The following RHD variants were observed in gnomAD, a reference collection of about 807,000 sequenced individuals.
The protein encoded by RHD is Rh blood group D antigen, also known as blood group Rh(D) polypeptide.
RHD carries 16 observed loss-of-function variants against 45.5 expected under a neutral mutation model. The observed-to-expected ratio is 0.35, with a 90% CI of 0.24 to 0.53. RHD has a LOEUF of 0.53. Ranked by LOEUF, RHD falls within the 20% of genes least tolerant of loss-of-function variation. The probability of loss-of-function intolerance (pLI) is 0.92; values close to 1 mark genes in which losing one functional copy is unlikely to be tolerated. For synonymous variants in RHD, 131 were observed against 217.5 expected, an observed-to-expected ratio of 0.60 and a Z score of 3.50; for missense variants, 306 against 532.0, an observed-to-expected ratio of 0.58 and a Z score of 4.18.
At chr1:25,312,199 A>G (rs1477597886) in intron 7 of RHD, among the ~76,000 whole-genome samples, 1 of 95,824 alleles carries the variant, frequency 1.0e-5, no homozygotes, top group African/African-American at 3.5e-5. Flanking sequence ...GTTGTTTTCT[A>G]TGTTGGGTTT....
intron 3 of RHD, among the ~76,000 whole-genome samples, chr1:25,298,468 G>A (rs1343489463): frequency 1.6e-5 from 2 of 126,570 alleles, no homozygotes; most frequent in Non-Finnish European, 3.7e-5. Flanking sequence ...AGGAGGGCCC[G>A]GGGGAACCAG....
chr1:25,328,811 A>C (rs1571773280), intron 9 of RHD, 87 bp from the exon 10 acceptor site: 1 of 614,076 alleles, frequency 1.6e-6, no homozygotes, highest in East Asian at 2.6e-5. Flanking sequence ...GGTCTTTGTA[A>C]TGAGACATTT....
At chr1:25,316,955 T>G (rs1295186499) in intron 7 of RHD, 45 bp from the exon 8 acceptor site, 1 of 133,712 alleles carries the variant, frequency 7.5e-6, no homozygotes, top group East Asian at 1.2e-4. Context: ...TGATGACCTC[T>G]GCTGCCTGAT....
intron 1 of RHD, among the ~76,000 whole-genome samples, chr1:25,275,472 C>T (rs1164963404): frequency 3.1e-5 from 4 of 131,114 alleles, no homozygotes; most frequent in African/African-American, 1.0e-4. Context: ...AGGGGCATGG[C>T]TTGAGACACC....
Position 25,272,692 on chromosome 1 carries a change from CA to C in RHD, c.147del (p.Val50LeufsTer5). ...TCAAAAGGGGCTCGTGGCATCCTAT[CA>C]AGGTGAGAGTTCATTGGAAAAGTGG... ...EDQKGLVASYQVGQDLTVMAA... is the reference protein window; with the variant it reads ...EDQKGLVASYXVGQDLTVMAA... On this transcript the variant is annotated frameshift_variant and splice_region_variant, in exon 1 of 10. Transcript: ENST00000328664. LOFTEE classifies it high-confidence loss of function. 2 of 1,496,220 alleles carry C rather than the reference CA, an allele frequency of 1.3e-6. 1 individual carries two copies. The highest frequency in any genetic ancestry group is 1.8e-6 in the Non-Finnish European group (2 of 1,082,210). The allele number at this position is 1,496,220 out of a possible 1,614,324, so 92.7% of individuals were successfully genotyped here.
chr1:25,287,901 T>C lies in RHD; in HGVS notation c.336-2740T>C, dbSNP rs140707942. 9.8e-3 allele frequency among the ~76,000 whole-genome samples: 1,250 copies of C among 127,580 alleles called. 188 individuals carry two copies. Among genetic ancestry groups the C allele is most frequent in the African/African-American group, 0.028 (1,060 of 38,138 alleles). The allele number at this position is 127,580 out of a possible 152,430, so 83.7% of individuals were successfully genotyped here. The stretch of plus-strand genomic sequence containing the variant: ...CCATGCCCTGCTAATTTTTGTATTT[T>C]TAGTAGACAAGGGGTTTCACCAGGT... On this transcript the variant is annotated intron_variant, in intron 2 of 9. Coordinates refer to ENST00000328664, the MANE Select transcript of RHD (RefSeq NM_016124.6).
At chr1:25,315,968 CT>C (rs1644417529) in intron 7 of RHD, among the ~76,000 whole-genome samples, 1 of 131,674 alleles carries the variant, frequency 7.6e-6, no homozygotes, top group East Asian at 2.0e-4. Flanking sequence ...AGGCTGCAGG[CT>C]TGGAGCTTTG....
intron 7 of RHD, among the ~76,000 whole-genome samples, chr1:25,315,497 C>CTTTT (rs1285410315): frequency 8.3e-6 from 1 of 120,862 alleles, no homozygotes; most frequent in African/African-American, 3.0e-5. Flanking sequence ...TCTTTTCTTT[C>CTTTT]TTTCTTTTTT....
At position 25,303,575 on chromosome 1, in the gene RHD, T is replaced by C. The variant is rs1643566478; in HGVS notation, c.939+116T>C. ...ATTAGGCAGGTGTCGGCGCATTCTCTTATTGGCTTCAACGCCTAGTGAGGG... is the reference window on the plus strand; with the variant it reads ...ATTAGGCAGGTGTCGGCGCATTCTCCTATTGGCTTCAACGCCTAGTGAGGG... On this transcript the variant is annotated intron_variant, in intron 6 of 9. Coordinates refer to ENST00000328664, the MANE Select transcript of RHD (RefSeq NM_016124.6). The C allele has an allele frequency of 1.8e-6, 2 of 1,094,834 alleles. 1 individual carries two copies. The highest frequency in any genetic ancestry group is 3.9e-5 in the Admixed American group (2 of 50,880). 67.8% of individuals were successfully genotyped at this position (1,094,834 alleles called of 1,614,324 possible). A position where few individuals can be genotyped will look rare whatever the true frequency, so the allele number is the denominator to read the frequency against.
In RHD at chr1:25,274,261, G is replaced by A. The variant is rs1469636518; in HGVS notation, c.148+1566G>A. Among the ~76,000 whole-genome samples, 7 of 131,742 alleles carry A rather than the reference G, an allele frequency of 5.3e-5. 1 individual carries two copies. The highest frequency in any genetic ancestry group is 5.2e-4 in the Admixed American group (7 of 13,538). 86.4% of individuals were successfully genotyped at this position (131,742 alleles called of 152,430 possible). A position where few individuals can be genotyped will look rare whatever the true frequency, so the allele number is the denominator to read the frequency against. On this transcript the variant is annotated intron_variant, in intron 1 of 9. Transcript: ENST00000328664. ...GATGTTGAGTAATTTGCCCACGGTC[G>A]CTCAGCTAGCAATAGCACAGCGTAT...
rs1335027714 is a variant in RHD, at chr1:25,303,375, T to C, written c.855T>C (p.Cys285=). The part of the protein sequence containing the change: ...LAGGVAVGTS[C]HLIPSPWLAM... ...GAGGCGTGGCTGTGGGTACCTCGTG[T>C]CACCTGATCCCTTCTCCGTGGCTTG... is the stretch of plus-strand genomic sequence containing the variant. Residue 285 remains cysteine (C), a synonymous_variant, in exon 6 of 10, where the codon TGT becomes TGC. Transcript: ENST00000328664. 2 of 1,377,726 alleles carry C rather than the reference T, an allele frequency of 1.5e-6. No homozygotes were observed. Among genetic ancestry groups the C allele is most frequent in the African/African-American group, 2.8e-5 (2 of 70,432 alleles). The allele number at this position is 1,377,726 out of a possible 1,614,324, so 85.3% of individuals were successfully genotyped here.
At chr1:25,321,229 A>G (rs1233340981) in intron 8 of RHD, among the ~76,000 whole-genome samples, 26 of 128,314 alleles carry the variant, frequency 2.0e-4, no homozygotes, top group African/African-American at 6.6e-4. Context: ...CCTCCATAGT[A>G]GCCCATATGT....
chr1:25,321,021 A>G (rs1227564529), intron 8 of RHD, among the ~76,000 whole-genome samples: 1 of 131,340 alleles, frequency 7.6e-6, no homozygotes, highest in Non-Finnish European at 1.8e-5. Context: ...TCCAGCCTGG[A>G]TAACAGAATG....
intron 6 of RHD, 75 bp downstream of exon 6, chr1:25,303,534 T>C: frequency 7.8e-7 from 1 of 1,278,734 alleles, no homozygotes; most frequent in Admixed American, 1.8e-5. Context: ...TGGGCCACTG[T>C]GCAGTGCACA....
intron 1 of RHD, among the ~76,000 whole-genome samples, chr1:25,278,668 G>A (rs1232149614): frequency 1.5e-5 from 2 of 131,692 alleles, no homozygotes; most frequent in Non-Finnish European, 3.6e-5. Context: ...CCTGGGTCCT[G>A]TGCTGTGGAT....
At position 25,289,598 on chromosome 1, in the gene RHD, A is replaced by C. The variant is rs1300176911; in HGVS notation, c.336-1043A>C. ...TCACTGTTGCTGTGGTTGTAGCATC[A>C]TCATCATTAACTCCCAGAGGGAGGA... On this transcript the variant is annotated intron_variant, in intron 2 of 9. Transcript: ENST00000328664. Among the ~76,000 whole-genome samples, 11 of 127,228 alleles carry C rather than the reference A, an allele frequency of 8.6e-5. 2 individuals carry two copies. The highest frequency in any genetic ancestry group is 9.3e-5 in the Non-Finnish European group (5 of 53,966). The allele number at this position is 127,228 out of a possible 152,430, so 83.5% of individuals were successfully genotyped here.
At chr1:25,276,531 C>CAAAAAAAAAAAAAA (rs1640993917) in intron 1 of RHD, among the ~76,000 whole-genome samples, 1 of 13,764 alleles carries the variant, frequency 7.3e-5, no homozygotes, top group African/African-American at 2.0e-4. Flanking sequence ...CCCCCCATCT[C>CAAAAAAAAAAAAAA]TAAAAAAAAA....
chr1:25,299,134 C>A lies in RHD; in HGVS notation c.487-1812C>A, dbSNP rs192683185. On this transcript the variant is annotated intron_variant, in intron 3 of 9. Transcript: ENST00000328664. ...CAGTGGCTCATGCCTGTAATCCCAG[C>A]GCTTTGGGAGGCCAAGGCGGATGGA... 1.6e-5 allele frequency among the ~76,000 whole-genome samples: 2 copies of A among 123,822 alleles called. 1 individual carries two copies. The highest frequency in any genetic ancestry group is 3.7e-5 in the Non-Finnish European group (2 of 53,338). The allele number at this position is 123,822 out of a possible 152,430, so 81.2% of individuals were successfully genotyped here. A position where few individuals can be genotyped will look rare whatever the true frequency, so the allele number is the denominator to read the frequency against.
intron 7 of RHD, among the ~76,000 whole-genome samples, chr1:25,309,770 G>A (rs1375664123): frequency 7.6e-6 from 1 of 131,386 alleles, no homozygotes; most frequent in East Asian, 2.0e-4. Flanking sequence ...TGTGAAATAG[G>A]GACACTAATA....
Sources: allele counts gnomAD v4.1 joint callset (sites outside exome capture counted in the v4.1 genomes callset), GRCh38; gene constraint gnomAD v4.1.1; transcripts MANE v1.5; gene names NCBI Gene and HGNC (gene_info 2026-07-23, HGNC 2026-07-21).